CDC25A: variants seen among roughly 807,000 people sequenced by gnomAD.
CDC25A encodes the protein M-phase inducer phosphatase 1.
CDC25A carries 17 observed loss-of-function variants against 64.6 expected under a neutral mutation model. The observed-to-expected ratio is 0.26, with a 90% CI of 0.18 to 0.39. The LOEUF (loss-of-function observed/expected upper bound fraction) is 0.39, where lower values mean the gene tolerates loss of function less well. Among genes scored for constraint, CDC25A ranks in the 10% least tolerant of loss-of-function variants. CDC25A has a pLI of 1.00. For synonymous variants in CDC25A, 229 were observed against 238.6 expected (o/e 0.96, Z 0.37); for missense variants, 473 against 654.8 (o/e 0.72, Z 3.03).
At chr3:48,168,120 G>A (rs1476059574) in intron 9 of CDC25A, among the ~76,000 whole-genome samples, 176 bp from the exon 10 acceptor site, 2 of 149,908 alleles carry the variant, frequency 1.3e-5, no homozygotes, top group East Asian at 3.9e-4. Flanking sequence ...TTATTGACTA[G>A]GTCTCCTATT....
intron 9 of CDC25A, among the ~76,000 whole-genome samples, chr3:48,169,798 A>G (rs1325237007): frequency 6.6e-6 from 1 of 152,074 alleles, no homozygotes. Flanking sequence ...ACTTGATGTC[A>G]GGGGTTCGAG....
chr3:48,187,741 C>T, intron 1 of CDC25A, 37 bp downstream of exon 1: 1 of 1,521,786 alleles, frequency 6.6e-7, no homozygotes, highest in Admixed American at 2.0e-5. Flanking sequence ...ACACCGAGGC[C>T]AGGGGCCCGG....
rs1383977527 is a variant in CDC25A at position 48,188,098 on chromosome 3, G to A, written c.-151C>T. Reference sequence around the variant, plus strand: ...TCCGCGGTTCAGGGACGCGGCTGCCGCGGGCAAGCGGCGCGGCCGGGCGGG... The same window carrying A: ...TCCGCGGTTCAGGGACGCGGCTGCCACGGGCAAGCGGCGCGGCCGGGCGGG... On this transcript the variant is annotated 5_prime_UTR_variant, in exon 1 of 15. Transcript: ENST00000302506. 2 of 573,898 alleles carry A rather than the reference G, an allele frequency of 3.5e-6. No homozygotes were observed. The highest frequency in any genetic ancestry group is 5.1e-6 in the Non-Finnish European group (2 of 395,774). The allele number at this position is 573,898 out of a possible 1,614,324, so 35.6% of individuals were successfully genotyped here.
intron 12 of CDC25A, among the ~76,000 whole-genome samples, chr3:48,165,165 CGT>C (rs963262514): frequency 1.3e-5 from 2 of 148,592 alleles, no homozygotes; most frequent in Non-Finnish European, 3.0e-5. Context: ...TTCTTGGGAA[CGT>C]GTGTCCCAAC....
intron 8 of CDC25A, among the ~76,000 whole-genome samples, chr3:48,175,254 C>T (rs2032412769): frequency 6.6e-6 from 1 of 152,108 alleles, no homozygotes; most frequent in African/African-American, 2.4e-5. Context: ...CTAAGATTTG[C>T]ACCACTGCAC....
chr3:48,174,423 A>C lies in CDC25A; in HGVS notation c.791T>G (p.Leu264Arg). 6.2e-7 allele frequency: 1 copy of C among 1,612,814 alleles called. No homozygotes were observed. Among genetic ancestry groups the C allele is most frequent in the East Asian group, 2.2e-5 (1 of 44,848 alleles). ...CACTGACCGAGTGCTGGAGCTACACAGGGAAGGGGAGTCAAACAGCTTGCA... is the reference window on the plus strand; with the variant it reads ...CACTGACCGAGTGCTGGAGCTACACCGGGAAGGGGAGTCAAACAGCTTGCA... Reference protein sequence around the residue: ...NRCKLFDSPSLCSSSTRSVLK... With the variant: ...NRCKLFDSPSRCSSSTRSVLK... Residue 264 changes from leucine (L) to arginine (R), a missense_variant, in exon 9 of 15, where the codon CTG (leucine) becomes CGG (arginine). Around this residue, in one of 2 missense-constraint regions of CDC25A, gnomAD observed 376 missense variants for 431.9 expected, o/e 0.87. Coordinates refer to ENST00000302506, the MANE Select transcript of CDC25A (RefSeq NM_001789.3).
At chr3:48,181,516 C>A in intron 5 of CDC25A, 3 of 1,212,994 alleles carry the variant, frequency 2.5e-6, no homozygotes, top group Non-Finnish European at 3.6e-6. Flanking sequence ...CCCTTGGTCT[C>A]GGGGTCGCGG....
At chr3:48,186,866 C>T (rs1256185872) in intron 1 of CDC25A, 87 bp from the exon 2 acceptor site, 1 of 908,390 alleles carries the variant, frequency 1.1e-6, no homozygotes. Context: ...GATTAAGAAG[C>T]AGCCAGGCTG....
At chr3:48,183,955 G>A in intron 3 of CDC25A, 119 bp from the exon 4 acceptor site, 1 of 575,468 alleles carries the variant, frequency 1.7e-6, no homozygotes, top group South Asian at 2.7e-5. Context: ...CCCATTTTAG[G>A]CAAGAGATGG....
chr3:48,163,200 T>C (rs554160935), intron 13 of CDC25A, among the ~76,000 whole-genome samples: 1 of 148,524 alleles, frequency 6.7e-6, no homozygotes, highest in East Asian at 2.0e-4. Context: ...GGAGAATCGC[T>C]TGAACCCAGG....
chr3:48,159,261 GA>G (rs1363188981), intron 14 of CDC25A, 82 bp downstream of exon 14: 3 of 1,304,918 alleles, frequency 2.3e-6, no homozygotes, highest in African/African-American at 2.9e-5. Flanking sequence ...CCCCTGGAAA[GA>G]AAGTCATGAC....
chr3:48,183,900 G>T, intron 3 of CDC25A, 64 bp from the exon 4 acceptor site: 1 of 1,028,650 alleles, frequency 9.7e-7, no homozygotes, highest in South Asian at 1.4e-5. Context: ...CATATTAGCA[G>T]AGAGATAGTG....
chr3:48,187,404 A>C (rs1045545950), intron 1 of CDC25A, among the ~76,000 whole-genome samples: 1 of 152,248 alleles, frequency 6.6e-6, no homozygotes, highest in Non-Finnish European at 1.5e-5. Flanking sequence ...GAAGATCCTG[A>C]GGATGGTTTA....
chr3:48,161,138 C>CT (rs2031741858), intron 13 of CDC25A: 2 of 113,028 alleles, frequency 1.8e-5, no homozygotes, highest in African/African-American at 7.4e-5. Flanking sequence ...GGCGAAAGGG[C>CT]GAGATTCCAA....
At chr3:48,179,663 A>T (rs2032590619) in intron 6 of CDC25A, among the ~76,000 whole-genome samples, 1 of 152,136 alleles carries the variant, frequency 6.6e-6, no homozygotes, top group African/African-American at 2.4e-5. Context: ...CACCACACCC[A>T]GCCAGAGATC....
chr3:48,167,951 C>A lies in CDC25A; in HGVS notation c.931-7G>T, dbSNP rs534944126. On this transcript the variant is annotated splice_region_variant and splice_polypyrimidine_tract_variant and intron_variant, in intron 9 of 14. Coordinates refer to ENST00000302506, the MANE Select transcript of CDC25A (RefSeq NM_001789.3). Reference sequence around the variant, plus strand: ...ATAAAGACTGATGAAGAGTCTGTAACAAATCAAAGGTAGAGAATGAGACAA... The same window carrying A: ...ATAAAGACTGATGAAGAGTCTGTAAAAAATCAAAGGTAGAGAATGAGACAA... 2 of 1,527,086 alleles carry A rather than the reference C, an allele frequency of 1.3e-6. No homozygotes were observed. The highest frequency in any genetic ancestry group is 2.2e-5 in the East Asian group (1 of 44,478). The allele number at this position is 1,527,086 out of a possible 1,614,324, so 94.6% of individuals were successfully genotyped here. A position where few individuals can be genotyped will look rare whatever the true frequency, so the allele number is the denominator to read the frequency against.
Position 48,187,914 on chromosome 3 carries a change from G to C in CDC25A, c.34C>G (p.Arg12Gly), listed in dbSNP as rs1408715616. ...ELGPEPPHRR[R>G]LLFACSPPPA... is the part of the protein sequence containing the mutation. Reference sequence around the variant, plus strand: ...GGGGGGCTGCAGGCGAAGAGCAGGCGGCGGCGGTGCGGGGGCTCCGGGCCC... The same window carrying C: ...GGGGGGCTGCAGGCGAAGAGCAGGCCGCGGCGGTGCGGGGGCTCCGGGCCC... Residue 12 changes from arginine to glycine, a missense_variant, in exon 1 of 15, where the codon CGC (arginine) becomes GGC (glycine). This residue lies in a region of CDC25A where 376 missense variants were observed against 431.9 expected (regional missense o/e 0.87). Transcript: ENST00000302506. 1 of 1,536,462 alleles carries C rather than the reference G, an allele frequency of 6.5e-7. No individual in the cohort carries two copies. The highest frequency in any genetic ancestry group is 8.7e-7 in the Non-Finnish European group (1 of 1,142,904).
At chr3:48,176,484 T>G (rs995025039) in intron 8 of CDC25A, among the ~76,000 whole-genome samples, 43 of 148,638 alleles carry the variant, frequency 2.9e-4, no homozygotes, top group African/African-American at 1.0e-3. Flanking sequence ...TGTTTGAAAG[T>G]ATCCCTGATG....
intron 1 of CDC25A, among the ~76,000 whole-genome samples, chr3:48,187,052 T>G (rs767232397): frequency 6.6e-6 from 1 of 152,190 alleles, no homozygotes; most frequent in Non-Finnish European, 1.5e-5. Context: ...AATAAAAGCA[T>G]GTGTTCTAAG....
Sources: gnomAD v4.1 joint callset for allele counts (sites outside exome capture counted in the v4.1 genomes callset) on GRCh38, gnomAD v4.1.1 for gene constraint, gnomAD v4.1.1 regional missense constraint, MANE v1.5 for transcripts, NCBI Gene and HGNC (gene_info 2026-07-23, HGNC 2026-07-21) for gene names.